NRXN2: variants seen among roughly 807,000 people sequenced by gnomAD.
The protein encoded by NRXN2 is neurexin 2.
Under a neutral mutation model 128.8 loss-of-function variants are expected in NRXN2, and 29 were observed. The observed-to-expected ratio is 0.23, with a 90% CI of 0.17 to 0.31. NRXN2 has a LOEUF of 0.31. Ranked by LOEUF, NRXN2 falls within the 10% of genes least tolerant of loss-of-function variation. NRXN2 has a pLI of 1.00. For synonymous variants in NRXN2, 1,098 were observed against 1,075.2 expected, an observed-to-expected ratio of 1.02 and a Z score of -0.41; for missense variants, 1,881 against 2,452.6, an observed-to-expected ratio of 0.77 and a Z score of 4.92.
At chr11:64,708,656 A>G (rs1394553880) in intron 2 of NRXN2, among the ~76,000 whole-genome samples, 1 of 152,246 alleles carries the variant, frequency 6.6e-6, no homozygotes, top group East Asian at 1.9e-4. Context: ...AGCAGGAGGG[A>G]TTCCAAAGGA....
At chr11:64,612,134 C>T (rs527247967) in intron 22 of NRXN2, among the ~76,000 whole-genome samples, 4 of 152,282 alleles carry the variant, frequency 2.6e-5, no homozygotes, top group African/African-American at 9.6e-5. Flanking sequence ...TGGGCTTTCC[C>T]GGATCACACA....
chr11:64,628,653 C>T (rs1226153667), intron 19 of NRXN2, among the ~76,000 whole-genome samples: 1 of 152,232 alleles, frequency 6.6e-6, no homozygotes, highest in Non-Finnish European at 1.5e-5. Flanking sequence ...TGCTTCCAAG[C>T]CCAGCCCTGT....
chr11:64,701,041 C>T (rs1373020077), intron 2 of NRXN2, among the ~76,000 whole-genome samples: 1 of 152,230 alleles, frequency 6.6e-6, no homozygotes, highest in Non-Finnish European at 1.5e-5. Context: ...TCCATTTCCA[C>T]CGGCACCGCC....
At chr11:64,690,500 C>T in intron 4 of NRXN2, 24 bp from the exon 5 acceptor site, 1 of 1,602,982 alleles carries the variant, frequency 6.2e-7, no homozygotes, top group Non-Finnish European at 8.5e-7. Flanking sequence ...ATTGGGGAGT[C>T]AGGCACAGGG....
intron 2 of NRXN2, among the ~76,000 whole-genome samples, chr11:64,706,984 C>T (rs1196484443): frequency 1.4e-5 from 2 of 141,494 alleles, no homozygotes; most frequent in African/African-American, 2.7e-5. Flanking sequence ...CAGAGTCTTG[C>T]TGTGTCAGCC....
At chr11:64,699,374 T>C (rs901203167) in intron 2 of NRXN2, among the ~76,000 whole-genome samples, 1 of 151,952 alleles carries the variant, frequency 6.6e-6, no homozygotes, top group Non-Finnish European at 1.5e-5. Flanking sequence ...AACACAGAGC[T>C]GCTTCTACCT....
At chr11:64,615,829 CGTGTGTGTGT>C (rs34781745) in intron 22 of NRXN2, among the ~76,000 whole-genome samples, 56 of 139,010 alleles carry the variant, frequency 4.0e-4, no homozygotes, top group African/African-American at 9.7e-4. Context: ...TAGGCCCAAG[CGTGTGTGTGT>C]GTGTGTGTGT....
chr11:64,643,062 T>A (rs2045990310), intron 17 of NRXN2: 8 of 989,642 alleles, frequency 8.1e-6, no homozygotes, highest in Admixed American at 6.1e-5. Flanking sequence ...TCTCTCTGCA[T>A]CCCGGCGGGG....
chr11:64,647,906 C>T (rs2046939936), intron 17 of NRXN2, among the ~76,000 whole-genome samples: 1 of 152,224 alleles, frequency 6.6e-6, no homozygotes, highest in African/African-American at 2.4e-5. Context: ...AAGTTCACCC[C>T]ACTAAGGCCA....
chr11:64,663,070 G>A (rs2049280364), intron 9 of NRXN2, among the ~76,000 whole-genome samples: 1 of 151,900 alleles, frequency 6.6e-6, no homozygotes, highest in Non-Finnish European at 1.5e-5. Flanking sequence ...GTTCCTCTCT[G>A]CTCAAAACCT....
chr11:64,660,317 G>C lies in NRXN2; in HGVS notation c.2389+15C>G. 6.2e-7 allele frequency: 1 copy of C among 1,612,480 alleles called. No homozygotes were observed. Among genetic ancestry groups the C allele is most frequent in the South Asian group, 1.1e-5 (1 of 91,010 alleles). On this transcript the variant is annotated intron_variant, in intron 11 of 22. Transcript: ENST00000265459. This position sits in a 1 kb window ranked among gnomAD's most constrained non-coding sequence, Gnocchi z 5.2. ...GCCAGGTGAGGGGTCAGGAAGCACA[G>C]GGCAGGGTGGTTACCGAGGTTGACA...
chr11:64,618,504 C>T lies in NRXN2; in HGVS notation c.4252+1790G>A, dbSNP rs186260969. On this transcript the variant is annotated intron_variant, in intron 22 of 22. Coordinates refer to ENST00000265459, the MANE Select transcript of NRXN2 (RefSeq NM_015080.4). ...CCCCGTCCCAGAGCTTTTATGGGGC[C>T]GCTCATCACAGCCACTTCCAGCAGG... 3.9e-3 allele frequency among the ~76,000 whole-genome samples: 597 copies of T among 152,266 alleles called. 4 individuals carry two copies. Among genetic ancestry groups the T allele is most frequent in the Admixed American group, 0.013 (202 of 15,304 alleles).
chr11:64,611,960 C>T (rs1448251495), intron 22 of NRXN2, among the ~76,000 whole-genome samples: 1 of 151,558 alleles, frequency 6.6e-6, no homozygotes, highest in African/African-American at 2.4e-5. Context: ...CTCTGTCTCC[C>T]ACATGGCTTC....
intron 20 of NRXN2, among the ~76,000 whole-genome samples, chr11:64,625,397 T>C (rs1445295359): frequency 6.6e-6 from 1 of 152,218 alleles, no homozygotes; most frequent in Admixed American, 6.5e-5. Flanking sequence ...AGCAGCCCAG[T>C]GTGGCTGGGG....
intron 2 of NRXN2, among the ~76,000 whole-genome samples, chr11:64,701,997 G>A (rs1409335958): frequency 6.7e-6 from 1 of 148,510 alleles, no homozygotes; most frequent in Non-Finnish European, 1.5e-5. Flanking sequence ...GTCCGGGAGG[G>A]AGGTGGGGGG....
At chr11:64,686,412 T>C (rs2053056324) in intron 5 of NRXN2, among the ~76,000 whole-genome samples, 1 of 152,024 alleles carries the variant, frequency 6.6e-6, no homozygotes, top group African/African-American at 2.4e-5. Flanking sequence ...TTCCTGCCCC[T>C]CCTCCAGCGA....
chr11:64,626,708 C>T (rs917904164), intron 19 of NRXN2, among the ~76,000 whole-genome samples, 156 bp from the exon 20 acceptor site: 4 of 152,182 alleles, frequency 2.6e-5, no homozygotes, highest in African/African-American at 9.7e-5. Context: ...CCTCTTTTCC[C>T]TTGACCCCCT....
At chr11:64,717,080 A>C (rs1236491183) in intron 1 of NRXN2, among the ~76,000 whole-genome samples, 3 of 152,082 alleles carry the variant, frequency 2.0e-5, no homozygotes, top group African/African-American at 7.2e-5. Context: ...CCCTTTCTCC[A>C]GAGGTCTCCC....
At chr11:64,621,366 T>C (rs2042323313) in intron 21 of NRXN2, among the ~76,000 whole-genome samples, 1 of 152,040 alleles carries the variant, frequency 6.6e-6, no homozygotes, top group African/African-American at 2.4e-5. Flanking sequence ...CCCTATGATT[T>C]GGAGGGTATT....
Sources: gnomAD v4.1 joint callset for allele counts (sites outside exome capture counted in the v4.1 genomes callset) on GRCh38, gnomAD v4.1.1 for gene constraint, Gnocchi (gnomAD v3.1) non-coding constraint, MANE v1.5 for transcripts, NCBI Gene and HGNC (gene_info 2026-07-23, HGNC 2026-07-21) for gene names.